Variants in GRB7 observed in about 807,000 individuals in gnomAD.
The protein encoded by GRB7 is growth factor receptor-bound protein 7.
Under a neutral mutation model 64.1 loss-of-function variants are expected in GRB7, and 47 were observed. That is an observed-to-expected ratio of 0.73 (90% CI 0.58 to 0.94). The LOEUF is 0.94. Among genes scored for constraint, GRB7 ranks in the 40% least tolerant of loss-of-function variants. The pLI, the probability that GRB7 is intolerant of heterozygous loss-of-function variation, is 0.00. For synonymous variants in GRB7, 277 were observed against 279.9 expected (o/e 0.99, Z 0.10); for missense variants, 634 against 718.4 (o/e 0.88, Z 1.34).
At chr17:39,744,729 T>C (rs2060028534) in intron 8 of GRB7, 66 bp downstream of exon 8, 1 of 1,355,490 alleles carries the variant, frequency 7.4e-7, no homozygotes, top group Non-Finnish European at 1.0e-6. Context: ...CCCTGGATCC[T>C]GCCCGGGGCT....
At chr17:39,739,886 C>A in intron 1 of GRB7, 1 of 518,666 alleles carries the variant, frequency 1.9e-6, no homozygotes, top group Non-Finnish European at 2.5e-6. Flanking sequence ...CCCCTTCCTC[C>A]TCCCTGCTCA....
intron 9 of GRB7, 42 bp from the exon 10 acceptor site, chr17:39,745,201 G>T: frequency 6.6e-7 from 1 of 1,517,428 alleles, no homozygotes; most frequent in Non-Finnish European, 9.0e-7. Flanking sequence ...CACGCCCCCA[G>T]GACCTCTCGA....
In GRB7 at chr17:39,744,173, C is replaced by A; in HGVS notation, c.767C>A (p.Ser256Tyr). The change falls in exon 7 of 15, where the codon TCT (serine) becomes TAT (tyrosine). Residue 256 changes from serine (S) to tyrosine (Y), a missense_variant. Ser to Tyr is a moderately radical substitution (Grantham distance 144, BLOSUM62 -2). Around this residue, in one of 2 missense-constraint regions of GRB7, gnomAD observed 467 missense variants for 576.6 expected, o/e 0.81. Transcript: ENST00000309156. The part of the protein sequence containing the change: ...WKRFFCFLRR[S>Y]GLYYSTKGTS... ...CGCTTTTTCTGCTTCTTGCGCCGAT[C>A]TGGCCTCTATTACTCCACCAAGGGC... 1 of 1,614,138 alleles carries A rather than the reference C, an allele frequency of 6.2e-7. No homozygotes were observed. Among genetic ancestry groups the A allele is most frequent in the South Asian group, 1.1e-5 (1 of 91,084 alleles).
chr17:39,745,241 A>G lies in GRB7; in HGVS notation c.1012-2A>G. The stretch of plus-strand genomic sequence containing the variant: ...AAGCTCTCTTTCTCTCCCCACCCCC[A>G]GTACGGGGTGCAGCTGTACAAGAAT... On this transcript the variant is annotated splice_acceptor_variant, in intron 9 of 14. Transcript: ENST00000309156. LOFTEE classifies it high-confidence loss of function. 6.3e-7 allele frequency: 1 copy of G among 1,597,624 alleles called. No individual in the cohort carries two copies. Among genetic ancestry groups the G allele is most frequent in the Non-Finnish European group, 8.5e-7 (1 of 1,170,620 alleles).
intron 6 of GRB7, 50 bp downstream of exon 6, chr17:39,743,520 C>T (rs367549138): frequency 4.9e-6 from 7 of 1,439,812 alleles, no homozygotes; most frequent in Non-Finnish European, 6.9e-6. Flanking sequence ...CCAGCATTGG[C>T]CAGTGCTTCT....
chr17:39,742,862 C>T lies in GRB7; in HGVS notation c.307-36C>T, dbSNP rs1242002785. 5 of 1,551,146 alleles carry T rather than the reference C, an allele frequency of 3.2e-6. No individual in the cohort carries two copies. The Admixed American group carries it at 7.6e-5, about 24-fold the overall frequency. On this transcript the variant is annotated intron_variant, in intron 3 of 14. Transcript: ENST00000309156. ...CGGAAAGGGAATGAATCACCCTTTGCCTCCCCTCAAGTCGTGTGCAATTCC... is the reference window on the plus strand; with the variant it reads ...CGGAAAGGGAATGAATCACCCTTTGTCTCCCCTCAAGTCGTGTGCAATTCC...
At chr17:39,739,554 C>A (rs2143387832) in intron 1 of GRB7, among the ~76,000 whole-genome samples, 1 of 152,388 alleles carries the variant, frequency 6.6e-6, no homozygotes, top group South Asian at 2.1e-4. Flanking sequence ...AGGCCCCTGG[C>A]CCAGGCCTCA....
At chr17:39,744,322 A>G in intron 7 of GRB7, 115 bp downstream of exon 7, 1 of 1,264,656 alleles carries the variant, frequency 7.9e-7, no homozygotes, top group Admixed American at 2.0e-5. Context: ...CAGGCCAGCC[A>G]CCTCCAGTTT....
In GRB7 at chr17:39,744,565, C is replaced by T. The variant is rs572691536; in HGVS notation, c.814C>T (p.Leu272=). ...TCATGCTGCTTAGGATCCGAGGCAC[C>T]TGCAGTACGTGGCAGATGTGAACGA... The part of the protein sequence containing the change: ...TKGTSKDPRH[L]QYVADVNESN... Residue 272 remains leucine, a synonymous_variant, in exon 8 of 15, where the codon CTG becomes TTG. Coordinates refer to ENST00000309156, the MANE Select transcript of GRB7 (RefSeq NM_005310.5). 39 of 1,609,694 alleles carry T rather than the reference C, an allele frequency of 2.4e-5. 1 individual carries two copies. In the South Asian group the frequency reaches 3.9e-4, roughly 16 times the overall value.
chr17:39,744,703 C>A (rs1296956756), intron 8 of GRB7, 40 bp downstream of exon 8: 17 of 1,528,566 alleles, frequency 1.1e-5, no homozygotes, highest in Non-Finnish European at 1.5e-5. Context: ...CCTGGGGAAG[C>A]AGGAACTGCT....
intron 14 of GRB7, 60 bp downstream of exon 14, chr17:39,746,262 C>G: frequency 7.3e-7 from 1 of 1,376,696 alleles, no homozygotes; most frequent in Non-Finnish European, 1.0e-6. Context: ...AGCAACCTGT[C>G]CTCCTCACCA....
intron 9 of GRB7, 29 bp downstream of exon 9, chr17:39,745,013 TG>T: frequency 1.9e-6 from 3 of 1,565,686 alleles, no homozygotes; most frequent in Non-Finnish European, 2.6e-6. Context: ...CATGGGGGGC[TG>T]GCCTGGCCAG....
chr17:39,742,839 G>A (rs76121559), intron 3 of GRB7, 59 bp from the exon 4 acceptor site: 17,479 of 1,536,574 alleles, frequency 0.011, 155 homozygotes, highest in Middle Eastern at 0.019. Context: ...AGCAGGTGCG[G>A]AAAGGGAATG....
At chr17:39,745,154 G>C in intron 9 of GRB7, 89 bp from the exon 10 acceptor site, 1 of 1,243,130 alleles carries the variant, frequency 8.0e-7, no homozygotes, top group Non-Finnish European at 1.1e-6. Flanking sequence ...CACAGCCCTG[G>C]TCTGGGCAAG....
chr17:39,744,811 T>A, intron 8 of GRB7, 75 bp from the exon 9 acceptor site: 1 of 1,396,908 alleles, frequency 7.2e-7, no homozygotes, highest in Non-Finnish European at 1.0e-6. Context: ...TGGATTCAGC[T>A]CTGCTATGTG....
chr17:39,746,959 A>C lies in GRB7; in HGVS notation c.*62A>C. On this transcript the variant is annotated 3_prime_UTR_variant, in exon 15 of 15. Coordinates refer to ENST00000309156, the MANE Select transcript of GRB7 (RefSeq NM_005310.5). Reference sequence around the variant, plus strand: ...CAGGCTGCCCGCCGCCCCTCCACCCATCCAGTGGACTCTGGGGCGCGGCCA... The same window carrying C: ...CAGGCTGCCCGCCGCCCCTCCACCCCTCCAGTGGACTCTGGGGCGCGGCCA... 6.5e-7 allele frequency: 1 copy of C among 1,539,782 alleles called. No homozygotes were observed.
Position 39,747,066 on chromosome 17 carries a change from GC to G in GRB7, c.*174del. 1.4e-6 allele frequency: 1 copy of G among 712,166 alleles called. No homozygotes were observed. The highest frequency in any genetic ancestry group is 2.3e-6 in the Non-Finnish European group (1 of 441,076). The allele number at this position is 712,166 out of a possible 1,614,324, so 44.1% of individuals were successfully genotyped here. On this transcript the variant is annotated 3_prime_UTR_variant, in exon 15 of 15. Coordinates refer to ENST00000309156, the MANE Select transcript of GRB7 (RefSeq NM_005310.5). ...CTTTGCCTCCCTCAGATAGAAAACAGCCCCCACTCCAGTCCACTCCTGACCC... is the reference window on the plus strand; with the variant it reads ...CTTTGCCTCCCTCAGATAGAAAACAGCCCCACTCCAGTCCACTCCTGACCC...
rs2060040462 is a variant in GRB7 at position 39,745,795 on chromosome 17, G to A, written c.1270+7G>A. The A allele has an allele frequency of 6.2e-7, 1 of 1,613,964 alleles. No homozygotes were observed. Among genetic ancestry groups the A allele is most frequent in the African/African-American group, 1.3e-5 (1 of 75,040 alleles). ...GGCACGAGCCTCAGTGCAGGTGGGT[G>A]ACGGCCCCGAGTCCTGGGGCGGGGG... On this transcript the variant is annotated splice_region_variant and intron_variant, in intron 12 of 14. Coordinates refer to ENST00000309156, the MANE Select transcript of GRB7 (RefSeq NM_005310.5).
At chr17:39,742,478 G>T (rs1440462413) in intron 2 of GRB7, 22 bp downstream of exon 2, 1 of 1,613,120 alleles carries the variant, frequency 6.2e-7, no homozygotes, top group Non-Finnish European at 8.5e-7. Context: ...CGTGGGGCTT[G>T]GGGGAGGTCA....
Sources: allele counts gnomAD v4.1 joint callset (sites outside exome capture counted in the v4.1 genomes callset), GRCh38; gene constraint gnomAD v4.1.1; regional missense constraint gnomAD v4.1.1; transcripts MANE v1.5; gene names NCBI Gene and HGNC (gene_info 2026-07-23, HGNC 2026-07-21).